INTS2: variants seen among roughly 807,000 people sequenced by gnomAD.
INTS2 encodes the protein KIAA1287.
Under a neutral mutation model 139.6 loss-of-function variants are expected in INTS2, and 57 were observed. The observed-to-expected ratio is 0.41, with a 90% CI of 0.33 to 0.51. The LOEUF is 0.51. Among genes scored for constraint, INTS2 ranks in the 20% least tolerant of loss-of-function variants. The pLI is 0.28. For synonymous variants in INTS2, 473 were observed against 493.4 expected (o/e 0.96, Z 0.55); for missense variants, 1,196 against 1,436.7 (o/e 0.83, Z 2.71).
chr17:61,924,965 T>C lies in INTS2; in HGVS notation c.428A>G (p.Asn143Ser), dbSNP rs781406399. The change falls in exon 3 of 25, where the codon AAC becomes AGC. Residue 143 changes from asparagine (N) to serine (S), a missense_variant. By Grantham distance (46) the Asn-to-Ser change is conservative. Transcript: ENST00000251334. ...CTGTGGTTAAAAGAAATGCACCTTG[T>C]TCATAATTGCCAACAGTTCACTAAG... is the stretch of plus-strand genomic sequence containing the variant. ...LVLSELLAIM[N>S]KVSESNGEFF... The C allele has an allele frequency of 9.9e-6, 16 of 1,611,984 alleles. No homozygotes were observed. The South Asian group carries it at 1.5e-4, about 16-fold the overall frequency.
intron 16 of INTS2, among the ~76,000 whole-genome samples, chr17:61,881,413 A>G (rs1244800756): frequency 6.6e-6 from 1 of 152,206 alleles, no homozygotes; most frequent in East Asian, 1.9e-4. Context: ...CCTGGCCAAC[A>G]TGGCAAAACC....
chr17:61,924,052 A>G (rs2079681852), intron 3 of INTS2, among the ~76,000 whole-genome samples: 1 of 152,220 alleles, frequency 6.6e-6, no homozygotes, highest in African/African-American at 2.4e-5. Flanking sequence ...TAAGTAATCT[A>G]TAATTTTACA....
rs1174860852 is a variant in INTS2, at chr17:61,875,383, G to A, written c.2457-345C>T. 6.6e-6 allele frequency among the ~76,000 whole-genome samples: 1 copy of A among 152,128 alleles called. No individual in the cohort carries two copies. The highest frequency in any genetic ancestry group is 2.4e-5 in the African/African-American group (1 of 41,436). ...GGCTCTCTAAACTGTTTCCTCGTCT[G>A]TAAAATAGAAATGACATAATACCTG... On this transcript the variant is annotated intron_variant, in intron 18 of 24. Transcript: ENST00000251334. This position sits in a 1 kb window ranked among gnomAD's most constrained non-coding sequence, Gnocchi z 4.6.
At chr17:61,901,419 A>G (rs1567906254) in intron 9 of INTS2, among the ~76,000 whole-genome samples, 1 of 151,556 alleles carries the variant, frequency 6.6e-6, no homozygotes, top group Non-Finnish European at 1.5e-5. Context: ...TCTCTTCAAA[A>G]TCAGTATGAC....
intron 12 of INTS2, among the ~76,000 whole-genome samples, chr17:61,894,718 T>C (rs1030761747): frequency 6.6e-6 from 1 of 151,912 alleles, no homozygotes; most frequent in African/African-American, 2.4e-5. Context: ...CGTGGTGGTG[T>C]GCACCTCTAA....
intron 9 of INTS2, among the ~76,000 whole-genome samples, chr17:61,900,740 C>T (rs1304355152): frequency 6.6e-6 from 1 of 152,044 alleles, no homozygotes; most frequent in Non-Finnish European, 1.5e-5. Flanking sequence ...GGCAGATCAC[C>T]TGAGGTCAGG....
At chr17:61,891,801 T>C (rs2079297769) in intron 13 of INTS2, 112 bp from the exon 14 acceptor site, 3 of 769,622 alleles carry the variant, frequency 3.9e-6, no homozygotes, top group Non-Finnish European at 6.1e-6. Context: ...AAACTCACTA[T>C]TAACTTTTGG....
chr17:61,907,716 T>G, intron 7 of INTS2, 82 bp from the exon 8 acceptor site: 1 of 1,057,284 alleles, frequency 9.5e-7, no homozygotes, highest in Non-Finnish European at 1.4e-6. Flanking sequence ...AGCACCCCAC[T>G]TAAACACTTT....
Position 61,925,117 on chromosome 17 carries a change from A to G in INTS2, c.294-18T>C. ...GTTTATGCCTAATGAAGTACAAAAC[A>G]TGTAACAATTATGAAAACACTGATA... On this transcript the variant is annotated intron_variant, in intron 2 of 24. Transcript: ENST00000251334. The G allele has an allele frequency of 6.2e-7, 1 of 1,607,374 alleles. No homozygotes were observed. Among genetic ancestry groups the G allele is most frequent in the Non-Finnish European group, 8.5e-7 (1 of 1,174,784 alleles).
chr17:61,902,905 G>T, intron 9 of INTS2, among the ~76,000 whole-genome samples: 1 of 147,906 alleles, frequency 6.8e-6, no homozygotes, highest in Middle Eastern at 3.5e-3. Context: ...GGTGGCTCAC[G>T]CCTGTAATCC....
At chr17:61,903,705 A>C (rs905782633) in intron 9 of INTS2, among the ~76,000 whole-genome samples, 1 of 152,142 alleles carries the variant, frequency 6.6e-6, no homozygotes, top group Non-Finnish European at 1.5e-5. Context: ...GTAAAAAATA[A>C]TCATATACTG....
chr17:61,890,255 T>G (rs1337012096), intron 14 of INTS2, among the ~76,000 whole-genome samples: 1 of 152,194 alleles, frequency 6.6e-6, no homozygotes, highest in African/African-American at 2.4e-5. Context: ...TTAAATATAT[T>G]TGTGAAAAAT....
chr17:61,876,020 A>T lies in INTS2; in HGVS notation c.2457-982T>A, dbSNP rs1409438573. On this transcript the variant is annotated intron_variant, in intron 18 of 24. Transcript: ENST00000251334. The surrounding 1 kb of genome is among the most constrained non-coding windows in gnomAD (Gnocchi z 4.1). ...ACCATCTCTACAAAAACTAAAAAAAATTAGGCAGGCACGGGGGTATGCACC... is the reference window on the plus strand; with the variant it reads ...ACCATCTCTACAAAAACTAAAAAAATTTAGGCAGGCACGGGGGTATGCACC... 1.7e-4 allele frequency among the ~76,000 whole-genome samples: 26 copies of T among 151,848 alleles called. No homozygotes were observed. The highest frequency in any genetic ancestry group is 1.7e-3 in the Admixed American group (26 of 15,220).
chr17:61,898,165 T>G lies in INTS2; in HGVS notation c.1308-426A>C, dbSNP rs532307491. Among the ~76,000 whole-genome samples, 84 of 152,266 alleles carry G rather than the reference T, an allele frequency of 5.5e-4. No individual in the cohort carries two copies. In the Middle Eastern group the frequency reaches 0.014, roughly 25 times the overall value. The stretch of plus-strand genomic sequence containing the variant: ...GTGCCAAACAGTAATGAGCAGTCCA[T>G]CTTCTGGAAAAATGAAATTTAATTT... On this transcript the variant is annotated intron_variant, in intron 9 of 24. Coordinates refer to ENST00000251334, the MANE Select transcript of INTS2 (RefSeq NM_001351695.2).
At position 61,926,341 on chromosome 17, in the gene INTS2, CAT is replaced by C; in HGVS notation, c.293+9_293+10del. ...AAATCCAAATCCACATATAATATAA[CAT>C]AACATTACCTAAGCTGCTGTTCTTT... On this transcript the variant is annotated intron_variant, in intron 2 of 24. Coordinates refer to ENST00000251334, the MANE Select transcript of INTS2 (RefSeq NM_001351695.2). 1 of 1,569,084 alleles carries C rather than the reference CAT, an allele frequency of 6.4e-7. No homozygotes were observed. The highest frequency in any genetic ancestry group is 8.7e-7 in the Non-Finnish European group (1 of 1,153,058).
At position 61,895,380 on chromosome 17, in the gene INTS2, C is replaced by T. The variant is rs1429059028; in HGVS notation, c.1498G>A (p.Val500Ile). ...LVCSTLGMKI[V>I]IKPSSLSRMK... is the part of the protein sequence containing the mutation. ...CTGCTCAAGGAGCTTGGCTTAATTA[C>T]AATCTAAAATTACCAAAAGAATTCC... The change falls in exon 12 of 25, where the codon GTA becomes ATA. Residue 500 changes from valine (V) to isoleucine (I), a missense_variant. This residue lies in a region of INTS2 where 1,129 missense variants were observed against 1,341.9 expected (regional missense o/e 0.84). Transcript: ENST00000251334. 1 of 1,560,438 alleles carries T rather than the reference C, an allele frequency of 6.4e-7. No individual in the cohort carries two copies. The highest frequency in any genetic ancestry group is 8.6e-7 in the Non-Finnish European group (1 of 1,157,466).
chr17:61,923,079 A>T (rs565782091), intron 3 of INTS2, among the ~76,000 whole-genome samples: 6 of 152,236 alleles, frequency 3.9e-5, no homozygotes, highest in African/African-American at 1.4e-4. Context: ...TCTGTCTCAA[A>T]AAAACAAACA....
At chr17:61,904,244 A>C (rs532684831) in intron 9 of INTS2, among the ~76,000 whole-genome samples, 1 of 152,178 alleles carries the variant, frequency 6.6e-6, no homozygotes, top group East Asian at 1.9e-4. Flanking sequence ...TCAAGGCTGC[A>C]CTGTGCTATG....
intron 8 of INTS2, among the ~76,000 whole-genome samples, chr17:61,904,884 T>C (rs2079444804): frequency 6.6e-6 from 1 of 152,046 alleles, no homozygotes; most frequent in Non-Finnish European, 1.5e-5. Context: ...AAAAGTATGG[T>C]TGTACTGTAG....
Sources: allele counts gnomAD v4.1 joint callset (sites outside exome capture counted in the v4.1 genomes callset), GRCh38; gene constraint gnomAD v4.1.1; regional missense constraint gnomAD v4.1.1; non-coding constraint Gnocchi (gnomAD v3.1); transcripts MANE v1.5; gene names NCBI Gene and HGNC (gene_info 2026-07-23, HGNC 2026-07-21).